GRID2: variants seen among roughly 807,000 people sequenced by gnomAD.
The protein encoded by GRID2 is glutamate ionotropic receptor delta type subunit 2, also known as glutamate receptor ionotropic, delta-2.
Under a neutral mutation model 114.8 loss-of-function variants are expected in GRID2, and 33 were observed. The ratio of observed to expected loss-of-function variants is 0.29; its 90% CI spans 0.22 to 0.38. The LOEUF is 0.38. Ranked by LOEUF, GRID2 falls within the 10% of genes least tolerant of loss-of-function variation. The pLI, the probability that GRID2 is intolerant of heterozygous loss-of-function variation, is 1.00. For missense variants in GRID2, 1,184 were observed against 1,257.7 expected, an observed-to-expected ratio of 0.94 and a Z score of 0.89; for synonymous variants, 505 against 449.9, an observed-to-expected ratio of 1.12 and a Z score of -1.55.
chr4:92,879,333 A>G (rs908717855), intron 2 of GRID2, among the ~76,000 whole-genome samples: 4 of 152,188 alleles, frequency 2.6e-5, no homozygotes, highest in Non-Finnish European at 2.9e-5. Context: ...GACACCCAAA[A>G]TAGTACTTCT....
chr4:93,049,987 A>G (rs1309247989), intron 2 of GRID2, among the ~76,000 whole-genome samples: 1 of 152,086 alleles, frequency 6.6e-6, no homozygotes, highest in Non-Finnish European at 1.5e-5. Context: ...GTGACATTTT[A>G]TATTAAAGAG....
At chr4:92,653,773 T>C (rs909712485) in intron 2 of GRID2, among the ~76,000 whole-genome samples, 7 of 152,114 alleles carry the variant, frequency 4.6e-5, no homozygotes, top group Non-Finnish European at 7.4e-5. Flanking sequence ...TAGCTTCCAT[T>C]CTTACAGTTC....
At chr4:93,145,644 C>CTTTTTTTTTTTT (rs10605313) in intron 4 of GRID2, among the ~76,000 whole-genome samples, 1 of 45,702 alleles carries the variant, frequency 2.2e-5, no homozygotes. Flanking sequence ...TTCTTTTTTC[C>CTTTTTTTTTTTT]TTTTTTTTTT....
chr4:92,683,024 G>A (rs751573395), intron 2 of GRID2, among the ~76,000 whole-genome samples: 1 of 152,108 alleles, frequency 6.6e-6, no homozygotes, highest in Non-Finnish European at 1.5e-5. Context: ...AATAGGCTAG[G>A]TGCGGTGGCT....
At chr4:93,495,117 C>A (rs185334715) in intron 12 of GRID2, among the ~76,000 whole-genome samples, 1 of 151,780 alleles carries the variant, frequency 6.6e-6, no homozygotes, top group African/African-American at 2.4e-5. Flanking sequence ...CAAAGGGATC[C>A]CAACATCCCA....
chr4:92,573,453 C>A (rs941251884), intron 1 of GRID2, among the ~76,000 whole-genome samples: 4 of 152,036 alleles, frequency 2.6e-5, no homozygotes, highest in Admixed American at 6.6e-5. Context: ...GCAGTTAGTG[C>A]TATAAATTTC....
At chr4:92,727,101 T>C (rs1485691252) in intron 2 of GRID2, among the ~76,000 whole-genome samples, 2 of 152,070 alleles carry the variant, frequency 1.3e-5, no homozygotes, top group Non-Finnish European at 2.9e-5. Context: ...TTTATCTGAA[T>C]TTCTCTCCAA....
intron 13 of GRID2, among the ~76,000 whole-genome samples, chr4:93,521,254 C>T (rs1264925536): frequency 6.6e-6 from 1 of 152,106 alleles, no homozygotes; most frequent in Admixed American, 6.6e-5. Context: ...GAAATGCTTA[C>T]TCATTACGCA....
rs184316744 is a variant in GRID2 at position 93,426,657 on chromosome 4, A to G, written c.1545+3689A>G. On this transcript the variant is annotated intron_variant, in intron 10 of 15. Transcript: ENST00000282020. ...CTTCCAAATACTATGTTTTGAAAAT[A>G]TAAGTTTATCGTATAGCAATCATAC... is the stretch of plus-strand genomic sequence containing the variant. 2.4e-3 allele frequency among the ~76,000 whole-genome samples: 372 copies of G among 152,222 alleles called. 5 individuals carry two copies. The South Asian group carries it at 0.03, about 12-fold the overall frequency.
intron 8 of GRID2, among the ~76,000 whole-genome samples, chr4:93,279,489 T>C (rs1431336180): frequency 6.6e-6 from 1 of 151,852 alleles, no homozygotes; most frequent in African/African-American, 2.4e-5. Flanking sequence ...CAGGTTTTTT[T>C]TCAGCATTAT....
chr4:92,875,826 A>G (rs1171610759), intron 2 of GRID2, among the ~76,000 whole-genome samples: 1 of 152,118 alleles, frequency 6.6e-6, no homozygotes, highest in Non-Finnish European at 1.5e-5. Context: ...AATAAAAATG[A>G]CTTTTTTTTG....
intron 3 of GRID2, among the ~76,000 whole-genome samples, chr4:93,094,262 T>G (rs1435113387): frequency 6.6e-6 from 1 of 152,122 alleles, no homozygotes; most frequent in Non-Finnish European, 1.5e-5. Context: ...ATTTTCATTC[T>G]GCCTTCTCAA....
chr4:92,659,336 G>C (rs1277356690), intron 2 of GRID2, among the ~76,000 whole-genome samples: 1 of 151,396 alleles, frequency 6.6e-6, no homozygotes, highest in African/African-American at 2.4e-5. Flanking sequence ...ATTAGAGAAG[G>C]GAAAGCTGGG....
At position 93,603,624 on chromosome 4, in the gene GRID2, G is replaced by T. The variant is rs571142888; in HGVS notation, c.2194-22645G>T. Among the ~76,000 whole-genome samples, 4 of 152,272 alleles carry T rather than the reference G, an allele frequency of 2.6e-5. No individual in the cohort carries two copies. In the South Asian group the frequency reaches 8.3e-4, roughly 32 times the overall value. On this transcript the variant is annotated intron_variant, in intron 13 of 15. Transcript: ENST00000282020. ...TATATTGAAAGAAAGTTCCATCTAG[G>T]ACTTTCAGAGCTAGAGAGAAGTCAA...
chr4:93,564,804 A>G (rs572945002), intron 13 of GRID2, among the ~76,000 whole-genome samples: 10 of 152,242 alleles, frequency 6.6e-5, no homozygotes, highest in Middle Eastern at 3.4e-3. Flanking sequence ...TGTGAAATTC[A>G]TACAGTAGAA....
At chr4:92,751,201 AAGTT>A (rs1371593943) in intron 2 of GRID2, among the ~76,000 whole-genome samples, 6 of 152,302 alleles carry the variant, frequency 3.9e-5, no homozygotes, top group Non-Finnish European at 5.9e-5. Context: ...GTTTTAAAAT[AAGTT>A]AGGTGGTAAC....
chr4:92,627,616 A>G (rs536160480), intron 2 of GRID2, among the ~76,000 whole-genome samples: 4 of 152,238 alleles, frequency 2.6e-5, no homozygotes, highest in South Asian at 2.1e-4. Flanking sequence ...TAATTTGGCC[A>G]TTGGTGATGC....
At chr4:93,001,728 C>CAGAT (rs1353257882) in intron 2 of GRID2, among the ~76,000 whole-genome samples, 15 of 151,808 alleles carry the variant, frequency 9.9e-5, no homozygotes, top group South Asian at 2.1e-4. Flanking sequence ...CCATTATCAG[C>CAGAT]TGTGTGCTGG....
At position 93,617,876 on chromosome 4, in the gene GRID2, C is replaced by T. The variant is rs544600974; in HGVS notation, c.2194-8393C>T. Among the ~76,000 whole-genome samples the T allele has an allele frequency of 6.6e-5, 10 of 152,262 alleles. No homozygotes were observed. In the South Asian group the frequency reaches 2.1e-3, roughly 32 times the overall value. ...CAACATCAGCAGTCAGGAGGAAAAA[C>T]AGTGACAGCAACTGTGGGAAACATA... On this transcript the variant is annotated intron_variant, in intron 13 of 15. Transcript: ENST00000282020.
Sources: allele counts gnomAD v4.1 joint callset (sites outside exome capture counted in the v4.1 genomes callset), GRCh38; gene constraint gnomAD v4.1.1; transcripts MANE v1.5; gene names NCBI Gene and HGNC (gene_info 2026-07-23, HGNC 2026-07-21).